UGT2B11: variants seen among roughly 807,000 people sequenced by gnomAD.
The protein encoded by UGT2B11 is UDP glucuronosyltransferase family 2 member B11, also known as UDP-glucuronosyltransferase 2B11.
Under a neutral mutation model 51.7 loss-of-function variants are expected in UGT2B11, and 49 were observed. The ratio of observed to expected loss-of-function variants is 0.95; its 90% confidence interval spans 0.75 to 1.20. UGT2B11 has a LOEUF of 1.20. UGT2B11 is among the 50% of genes most tolerant of loss of function. The pLI is 0.00. For synonymous variants in UGT2B11, 273 were observed against 209.0 expected (o/e 1.31, Z -2.64); for missense variants, 810 against 622.1 (o/e 1.30, Z -3.21).
At chr4:69,203,641 A>G (rs1206848185) in intron 5 of UGT2B11, among the ~76,000 whole-genome samples, 2 of 151,934 alleles carry the variant, frequency 1.3e-5, no homozygotes, top group South Asian at 2.1e-4. Flanking sequence ...ATAAAATATT[A>G]CACAAGTGGA....
chr4:69,212,018 C>G (rs1220949670), intron 2 of UGT2B11, among the ~76,000 whole-genome samples: 3 of 151,490 alleles, frequency 2.0e-5, no homozygotes, highest in Non-Finnish European at 4.4e-5. Flanking sequence ...TGCCCCTCCC[C>G]TTCATTCTTT....
At chr4:69,218,223 C>T (rs989651084), upstream of UGT2B11, among the ~76,000 whole-genome samples, 1 of 152,042 alleles carries the variant, frequency 6.6e-6, no homozygotes, top group African/African-American at 2.4e-5. Context: ...TGGAGCCACC[C>T]AGCATTTGAT....
In UGT2B11 at chr4:69,212,611, C is replaced by T; in HGVS notation, c.832G>A (p.Gly278Arg). The T allele has an allele frequency of 6.2e-7, 1 of 1,608,308 alleles. No individual in the cohort carries two copies. The highest frequency in any genetic ancestry group is 8.5e-7 in the Non-Finnish European group (1 of 1,176,864). The change falls in exon 2 of 6, where the codon GGA becomes AGA. Residue 278 changes from glycine to arginine, a missense_variant. Coordinates refer to ENST00000446444, the MANE Select transcript of UGT2B11 (RefSeq NM_001073.3). ...HPFLPNVDFV[G>R]GFHCKPAKPL... Reference sequence around the variant, plus strand: ...TTGGCAGGTTTGCAGTGGAATCCTCCAACAAAATCAACGTTTGGTAAGAAT... The same window carrying T: ...TTGGCAGGTTTGCAGTGGAATCCTCTAACAAAATCAACGTTTGGTAAGAAT...
chr4:69,202,460 G>A (rs1577959079), intron 5 of UGT2B11, among the ~76,000 whole-genome samples: 1 of 151,496 alleles, frequency 6.6e-6, no homozygotes. Context: ...TAGTCTTCAT[G>A]ATATTGAATC....
chr4:69,205,557 C>A lies in UGT2B11; in HGVS notation c.1013G>T (p.Arg338Ile). The stretch of plus-strand genomic sequence containing the variant: ...GGCATCTGGTTTATTCCCGTCAAAT[C>A]TCCACAGAACCTGTTACAGTAAAGA... ...LAKIPQKVLWRFDGNKPDALG... is the reference protein window; with the variant it reads ...LAKIPQKVLWIFDGNKPDALG... The change falls in exon 4 of 6, where the codon AGA (arginine) becomes ATA (isoleucine). Residue 338 changes from arginine (R) to isoleucine (I), a missense_variant. By Grantham distance (97) the Arg-to-Ile change is moderately conservative. Coordinates refer to ENST00000446444, the MANE Select transcript of UGT2B11 (RefSeq NM_001073.3). 6.2e-7 allele frequency: 1 copy of A among 1,609,972 alleles called. No homozygotes were observed. Among genetic ancestry groups the A allele is most frequent in the Non-Finnish European group, 8.5e-7 (1 of 1,177,696 alleles).
At chr4:69,224,641 G>A in the UGT2B11 span, among the ~76,000 whole-genome samples, 1 of 152,042 alleles carries the variant, frequency 6.6e-6, no homozygotes, top group South Asian at 2.1e-4. Context: ...AGATCCTCCT[G>A]GCTGGTTCAC....
At position 69,212,690 on chromosome 4, in the gene UGT2B11, T is replaced by A. The variant is rs546752504; in HGVS notation, c.753A>T (p.Gly251=). ...GRPTTLFETM[G]KADIWLMRNS... ...TTCGCATAAGCCATATGTCAGCTTT[T>A]CCCATTGTCTCAAATAAGGTAGTGG... Residue 251 remains glycine, a synonymous_variant, in exon 2 of 6, where the codon GGA becomes GGT. Transcript: ENST00000446444. The A allele has an allele frequency of 1.4e-5, 22 of 1,609,516 alleles. No individual in the cohort carries two copies. Among genetic ancestry groups the A allele is most frequent in the South Asian group, 2.2e-5 (2 of 90,388 alleles).
At chr4:69,213,567 T>C (rs1280736332) in intron 1 of UGT2B11, among the ~76,000 whole-genome samples, 1 of 151,620 alleles carries the variant, frequency 6.6e-6, no homozygotes, top group Non-Finnish European at 1.5e-5. Flanking sequence ...TATCTTTCAA[T>C]ATCTAAATAA....
chr4:69,201,713 A>G (rs1308237546), intron 5 of UGT2B11, among the ~76,000 whole-genome samples: 1 of 151,760 alleles, frequency 6.6e-6, no homozygotes, highest in Admixed American at 6.6e-5. Context: ...TTACTGGACA[A>G]TGATGGAGCC....
intron 4 of UGT2B11, 51 bp downstream of exon 4, chr4:69,205,429 C>A: frequency 6.3e-7 from 1 of 1,579,468 alleles, no homozygotes; most frequent in African/African-American, 1.4e-5. Context: ...TTCATTAACC[C>A]TCTAATGTGC....
At chr4:69,206,734 T>A (rs929781578) in intron 3 of UGT2B11, among the ~76,000 whole-genome samples, 2 of 151,720 alleles carry the variant, frequency 1.3e-5, no homozygotes, top group African/African-American at 4.8e-5. Context: ...AAACAGTTAC[T>A]ATTTAGTAAT....
In UGT2B11 at chr4:69,208,485, G is replaced by T. The variant is rs1721942769; in HGVS notation, c.871-3C>A. 6.2e-7 allele frequency: 1 copy of T among 1,601,124 alleles called. No homozygotes were observed. The highest frequency in any genetic ancestry group is 1.4e-5 in the African/African-American group (1 of 73,446). On this transcript the variant is annotated splice_polypyrimidine_tract_variant and splice_region_variant and intron_variant, in intron 2 of 5. Coordinates refer to ENST00000446444, the MANE Select transcript of UGT2B11 (RefSeq NM_001073.3). ...CTCTGTACAAACTCCTCCATTTCCT[G>T]TGAAAAAAAAATTGTTTCATCACAA...
intron 1 of UGT2B11, among the ~76,000 whole-genome samples, chr4:69,213,570 C>T (rs1217229480): frequency 6.6e-6 from 1 of 151,468 alleles, no homozygotes; most frequent in African/African-American, 2.4e-5. Context: ...CTTTCAATAT[C>T]TAAATAAGAA....
rs753581246 is a variant in UGT2B11 at position 69,214,074 on chromosome 4, C to A, written c.649G>T (p.Val217Leu). 2 of 1,610,578 alleles carry A rather than the reference C, an allele frequency of 1.2e-6. No homozygotes were observed. The highest frequency in any genetic ancestry group is 1.7e-6 in the Non-Finnish European group (2 of 1,178,344). ...TGGAACCAAAAGTCAAAATAAAGCA[C>A]ATAGATCATATTTTTTACCCTCTCC... ...FMERVKNMIYVLYFDFWFQMS... is the reference protein window; with the variant it reads ...FMERVKNMIYLLYFDFWFQMS... Residue 217 changes from valine (V) to leucine (L), a missense_variant, in exon 1 of 6, where the codon GTG becomes TTG. By Grantham distance (32) the Val-to-Leu change is conservative. Coordinates refer to ENST00000446444, the MANE Select transcript of UGT2B11 (RefSeq NM_001073.3).
At chr4:69,212,148 A>T (rs1301416396) in intron 2 of UGT2B11, among the ~76,000 whole-genome samples, 5 of 151,560 alleles carry the variant, frequency 3.3e-5, no homozygotes, top group Non-Finnish European at 7.4e-5. Flanking sequence ...ATAGTTTTTT[A>T]TAACATTTTC....
rs887143984 is a variant in UGT2B11 at position 69,200,659 on chromosome 4, C to G, written c.1371G>C (p.Leu457=). ...RIQHDQPVKP[L]DRAVFWIEFV... ...ATTCAATCCAGAAGACTGCTCGATC[C>G]AGGGGCTTTACTGGTTGATCATGTT... The change falls in exon 6 of 6, where the codon CTG becomes CTC. Residue 457 remains leucine (L), a synonymous_variant. Coordinates refer to ENST00000446444, the MANE Select transcript of UGT2B11 (RefSeq NM_001073.3). 1.9e-6 allele frequency: 3 copies of G among 1,612,120 alleles called. No individual in the cohort carries two copies. In the Admixed American group the frequency reaches 5.0e-5, roughly 27 times the overall value.
At chr4:69,219,495 A>G (rs1407865682), upstream of UGT2B11, among the ~76,000 whole-genome samples, 3 of 148,662 alleles carry the variant, frequency 2.0e-5, no homozygotes, top group Non-Finnish European at 4.5e-5. Context: ...ATAGTTTATG[A>G]TACTGTACTA....
intron 1 of UGT2B11, 47 bp downstream of exon 1, chr4:69,213,955 A>C: frequency 6.6e-7 from 1 of 1,504,446 alleles, no homozygotes; most frequent in Non-Finnish European, 8.8e-7. Flanking sequence ...TGCTTCAAAG[A>C]CACAAATAAG....
intron 5 of UGT2B11, among the ~76,000 whole-genome samples, chr4:69,202,282 G>C (rs1198030454): frequency 6.6e-6 from 1 of 151,684 alleles, no homozygotes; most frequent in Non-Finnish European, 1.5e-5. Context: ...TATATCTGTT[G>C]TGTATATAAT....
Sources: allele counts gnomAD v4.1 joint callset (sites outside exome capture counted in the v4.1 genomes callset), GRCh38; gene constraint gnomAD v4.1.1; transcripts MANE v1.5; gene names NCBI Gene and HGNC (gene_info 2026-07-23, HGNC 2026-07-21).